The following PCP4L1 variants were observed in gnomAD, a reference collection of about 807,000 sequenced individuals.
PCP4L1 encodes the protein Purkinje cell protein 4 like 1.
PCP4L1 carries 9 observed loss-of-function variants against 9.6 expected under a neutral mutation model. The observed-to-expected ratio is 0.94, with a 90% CI of 0.57 to 1.64. The LOEUF (loss-of-function observed/expected upper bound fraction) is 1.64, where lower values mean the gene tolerates loss of function less well. Among genes scored for constraint, PCP4L1 ranks in the 40% most tolerant of loss-of-function variants. PCP4L1 has a pLI of 0.00. For synonymous variants in PCP4L1, 31 were observed against 28.2 expected (o/e 1.10, Z -0.31); for missense variants, 81 against 80.8 (o/e 1.00, Z -0.01).
At chr1:161,264,876 A>G (rs889747944) in intron 1 of PCP4L1, among the ~76,000 whole-genome samples, 6 of 152,206 alleles carry the variant, frequency 3.9e-5, no homozygotes, top group African/African-American at 1.4e-4. Context: ...AATAATGCTG[A>G]GCAAGAGGAT....
At chr1:161,275,646 A>G (rs925094114) in intron 1 of PCP4L1, among the ~76,000 whole-genome samples, 13 of 152,102 alleles carry the variant, frequency 8.5e-5, no homozygotes, top group African/African-American at 2.9e-4. Flanking sequence ...GCTAAATCAT[A>G]GATCAGAGTC....
At chr1:161,269,729 T>C (rs1669590824) in intron 1 of PCP4L1, among the ~76,000 whole-genome samples, 1 of 152,178 alleles carries the variant, frequency 6.6e-6, no homozygotes, top group South Asian at 2.1e-4. Context: ...CTGAGTGTGG[T>C]AGCTCACACC....
chr1:161,278,868 C>T (rs545121246), intron 1 of PCP4L1, among the ~76,000 whole-genome samples: 3 of 151,798 alleles, frequency 2.0e-5, no homozygotes, highest in South Asian at 2.1e-4. Flanking sequence ...CTGCAACCTC[C>T]GCCTTCCAGG....
rs549268381 is a variant in PCP4L1, at chr1:161,284,366, A to C, written c.92A>C (p.Glu31Ala). The C allele has an allele frequency of 3.7e-5, 59 of 1,608,676 alleles. No individual in the cohort carries two copies. The highest frequency in any genetic ancestry group is 1.5e-4 in the African/African-American group (11 of 74,908). Residue 31 changes from glutamate (E) to alanine (A), a missense_variant, in exon 3 of 3, where the codon GAG becomes GCG. Coordinates refer to ENST00000504449, the MANE Select transcript of PCP4L1 (RefSeq NM_001102566.2). ...KGKAGNVKKAEEEEEIDIDLT... is the reference protein window; with the variant it reads ...KGKAGNVKKAAEEEEIDIDLT... Reference sequence around the variant, plus strand: ...AAAGCTGGCAATGTCAAGAAGGCGGAGGAGGAGGAGGAGATTGACATTGAT... The same window carrying C: ...AAAGCTGGCAATGTCAAGAAGGCGGCGGAGGAGGAGGAGATTGACATTGAT...
intron 1 of PCP4L1, among the ~76,000 whole-genome samples, chr1:161,277,902 CT>C (rs1490594875): frequency 6.6e-6 from 1 of 152,190 alleles, no homozygotes; most frequent in Non-Finnish European, 1.5e-5. Flanking sequence ...CAGAAGAAAA[CT>C]TTTATACATT....
chr1:161,276,933 T>C (rs1447956967), intron 1 of PCP4L1, among the ~76,000 whole-genome samples: 1 of 152,180 alleles, frequency 6.6e-6, no homozygotes, highest in Non-Finnish European at 1.5e-5. Flanking sequence ...CCTAATGTTT[T>C]ATTGGAACCA....
chr1:161,281,807 G>A (rs1378343400), intron 1 of PCP4L1, among the ~76,000 whole-genome samples: 1 of 51,164 alleles, frequency 2.0e-5, no homozygotes, highest in Non-Finnish European at 3.4e-5. Context: ...GGGCAGAGGC[G>A]CTCCTCACAT....
At chr1:161,278,894 C>A (rs1669747989) in intron 1 of PCP4L1, among the ~76,000 whole-genome samples, 1 of 152,150 alleles carries the variant, frequency 6.6e-6, no homozygotes, top group Admixed American at 6.5e-5. Context: ...GTGATCCTCC[C>A]ATCTCAGCCT....
At chr1:161,281,095 C>T (rs996645249) in intron 1 of PCP4L1, among the ~76,000 whole-genome samples, 27 of 152,158 alleles carry the variant, frequency 1.8e-4, no homozygotes, top group Admixed American at 6.5e-4. Flanking sequence ...CATCTTGCAC[C>T]GCCCCTAATC....
intron 1 of PCP4L1, among the ~76,000 whole-genome samples, chr1:161,276,876 C>T (rs1669709297): frequency 6.6e-6 from 1 of 151,986 alleles, no homozygotes; most frequent in African/African-American, 2.4e-5. Flanking sequence ...TACAATATCG[C>T]ATTAGCATTT....
At chr1:161,261,130 G>A (rs1241807833) in intron 1 of PCP4L1, among the ~76,000 whole-genome samples, 2 of 152,118 alleles carry the variant, frequency 1.3e-5, no homozygotes, top group Non-Finnish European at 2.9e-5. Context: ...GAAGAGCCCC[G>A]CCCAGGAAAG....
chr1:161,261,769 G>C (rs1669421769), intron 1 of PCP4L1, among the ~76,000 whole-genome samples: 3 of 152,220 alleles, frequency 2.0e-5, no homozygotes. Context: ...CATGGTGTCT[G>C]TCCTGTGTTT....
chr1:161,259,974 C>T (rs1669389916), intron 1 of PCP4L1, among the ~76,000 whole-genome samples: 1 of 152,232 alleles, frequency 6.6e-6, no homozygotes, highest in Admixed American at 6.5e-5. Flanking sequence ...GGGGATAATA[C>T]TGGTTGTTGT....
chr1:161,283,913 C>T (rs1289522961), intron 2 of PCP4L1, among the ~76,000 whole-genome samples, 191 bp downstream of exon 2: 4 of 152,104 alleles, frequency 2.6e-5, no homozygotes, highest in African/African-American at 4.8e-5. Flanking sequence ...AGAAAGTAAA[C>T]GATCAGTATT....
rs74972545 is a variant in PCP4L1, at chr1:161,285,206, T to C, written c.*725T>C. On this transcript the variant is annotated 3_prime_UTR_variant, in exon 3 of 3. Coordinates refer to ENST00000504449, the MANE Select transcript of PCP4L1 (RefSeq NM_001102566.2). ...GAAAAGTGAAGAAGGGGGAAATCTCTGAATTTTTTTACTGCTGGGAAAAGT... is the reference window on the plus strand; with the variant it reads ...GAAAAGTGAAGAAGGGGGAAATCTCCGAATTTTTTTACTGCTGGGAAAAGT... 0.022 allele frequency: 3,316 copies of C among 152,434 alleles called. 185 individuals are homozygous for C. The highest frequency in any genetic ancestry group is 0.21 in the East Asian group (1,113 of 5,292). The allele number at this position is 152,434 out of a possible 1,614,324, so 9.4% of individuals were successfully genotyped here.
At chr1:161,271,814 T>C (rs1266030036) in intron 1 of PCP4L1, among the ~76,000 whole-genome samples, 1 of 150,414 alleles carries the variant, frequency 6.6e-6, no homozygotes, top group East Asian at 2.0e-4. Context: ...TTTTTCTTTT[T>C]TCTTTTTTGA....
At chr1:161,284,205 A>G in intron 2 of PCP4L1, 134 bp from the exon 3 acceptor site, 3 of 1,148,310 alleles carry the variant, frequency 2.6e-6, no homozygotes, top group Non-Finnish European at 3.7e-6. Flanking sequence ...TCAGGCATTC[A>G]TAATCCTAGC....
chr1:161,259,521 C>T (rs1273647801), intron 1 of PCP4L1, among the ~76,000 whole-genome samples: 1 of 152,164 alleles, frequency 6.6e-6, no homozygotes, highest in Non-Finnish European at 1.5e-5. Flanking sequence ...ATTTAGAAGC[C>T]CCTGCCAGTT....
Position 161,285,440 on chromosome 1 carries a change from T to C in PCP4L1, c.*959T>C, listed in dbSNP as rs2102245732. 1 of 152,460 alleles carries C rather than the reference T, an allele frequency of 6.6e-6. No homozygotes were observed. Among genetic ancestry groups the C allele is most frequent in the East Asian group, 1.9e-4 (1 of 5,326 alleles). 9.4% of individuals were successfully genotyped at this position (152,460 alleles called of 1,614,324 possible). On this transcript the variant is annotated 3_prime_UTR_variant, in exon 3 of 3. Coordinates refer to ENST00000504449, the MANE Select transcript of PCP4L1 (RefSeq NM_001102566.2). ...ATAAACCACCCCACAAATGGGGTCA[T>C]TTAACCTCTACTAATGTTTTTTTCT...
Sources: allele counts gnomAD v4.1 joint callset (sites outside exome capture counted in the v4.1 genomes callset), GRCh38; gene constraint gnomAD v4.1.1; transcripts MANE v1.5; gene names NCBI Gene and HGNC (gene_info 2026-07-23, HGNC 2026-07-21).